The following GRK6 variants were observed in gnomAD, a reference collection of about 807,000 sequenced individuals.
GRK6 encodes the protein G protein-coupled receptor kinase 6.
In GRK6, 37 loss-of-function variants were observed where a neutral mutation model predicts 80.8. The ratio of observed to expected loss-of-function variants is 0.46; its 90% CI spans 0.35 to 0.60. The LOEUF (loss-of-function observed/expected upper bound fraction) is 0.60, where lower values mean the gene tolerates loss of function less well. Ranked by LOEUF, GRK6 falls within the 20% of genes least tolerant of loss-of-function variation. The pLI, the probability that GRK6 is intolerant of heterozygous loss-of-function variation, is 0.00. For synonymous variants in GRK6, 295 were observed against 320.9 expected, an observed-to-expected ratio of 0.92 and a Z score of 0.86; for missense variants, 560 against 784.6, an observed-to-expected ratio of 0.71 and a Z score of 3.42.
intron 9 of GRK6, 35 bp from the exon 10 acceptor site, chr5:177,434,867 G>C (rs770208616): frequency 3.8e-5 from 62 of 1,612,600 alleles, no homozygotes; most frequent in Non-Finnish European, 4.7e-5. Flanking sequence ...CTGGCAAACT[G>C]AGCAGCATCT....
At chr5:177,430,640 G>C in intron 1 of GRK6, 1 of 565,196 alleles carries the variant, frequency 1.8e-6, no homozygotes, top group Non-Finnish European at 3.2e-6. Context: ...TCCTCCCGCA[G>C]CGACCTCACT....
At chr5:177,427,226 G>A (rs1364967030) in intron 1 of GRK6, among the ~76,000 whole-genome samples, 1 of 152,212 alleles carries the variant, frequency 6.6e-6, no homozygotes, top group Non-Finnish European at 1.5e-5. Flanking sequence ...CAGGGGAGAG[G>A]TGTAAAGATG....
At position 177,432,795 on chromosome 5, in the gene GRK6, G is replaced by C; in HGVS notation, c.429G>C (p.Gln143His). The C allele has an allele frequency of 6.2e-7, 1 of 1,611,608 alleles. No homozygotes were observed. Among genetic ancestry groups the C allele is most frequent in the Non-Finnish European group, 8.5e-7 (1 of 1,178,824 alleles). ...LEQGPCKDLF[Q>H]ELTRLTHEYL... ...AGGGTCCCTGCAAAGACCTTTTCCA[G>C]GAACTCACCCGGTAAGCCTGTCCCT... is the stretch of plus-strand genomic sequence containing the variant. The change falls in exon 5 of 16, where the codon CAG (glutamine) becomes CAC (histidine). Residue 143 changes from glutamine (Q) to histidine (H), a missense_variant. By Grantham distance (24) the Gln-to-His change is conservative (BLOSUM62 0). Around this residue, in one of 3 missense-constraint regions of GRK6, gnomAD observed 189 missense variants for 230.2 expected, o/e 0.82. Coordinates refer to ENST00000355472, the MANE Select transcript of GRK6 (RefSeq NM_001004106.3).
intron 1 of GRK6, among the ~76,000 whole-genome samples, chr5:177,427,912 A>C (rs1438039529): frequency 6.6e-6 from 1 of 152,228 alleles, no homozygotes; most frequent in Non-Finnish European, 1.5e-5. Context: ...CTGAGGCTCA[A>C]ACCAGGGATT....
intron 13 of GRK6, among the ~76,000 whole-genome samples, chr5:177,439,761 T>TGGCA (rs1333120813): frequency 1.3e-5 from 2 of 152,198 alleles, no homozygotes; most frequent in Admixed American, 1.3e-4. Flanking sequence ...GTCATAGCTA[T>TGGCA]GGCATCACAT....
At position 177,442,708 on chromosome 5, in the gene GRK6, G is replaced by T. The variant is rs1764576331; in HGVS notation, c.*918G>T. 2.0e-5 allele frequency: 3 copies of T among 152,698 alleles called. No homozygotes were observed. The highest frequency in any genetic ancestry group is 7.2e-5 in the African/African-American group (3 of 41,460). The allele number at this position is 152,698 out of a possible 1,614,324, so 9.5% of individuals were successfully genotyped here. On this transcript the variant is annotated 3_prime_UTR_variant, in exon 16 of 16. Coordinates refer to ENST00000355472, the MANE Select transcript of GRK6 (RefSeq NM_001004106.3). ...GGTGAAGGGGATAGGGCGAGGCTGT[G>T]CCTGTGCCCCAGGTCCCAGCCCTGG...
chr5:177,434,795 C>A, intron 9 of GRK6, 107 bp from the exon 10 acceptor site: 2 of 1,279,088 alleles, frequency 1.6e-6, no homozygotes, highest in South Asian at 2.4e-5. Flanking sequence ...GAGTCTCGCA[C>A]CTTGCTCCAC....
rs760390765 is a variant in GRK6, at chr5:177,426,942, G to C, written c.52+45G>C. 67 of 1,255,126 alleles carry C rather than the reference G, an allele frequency of 5.3e-5. No homozygotes were observed. In the East Asian group the frequency reaches 2.0e-3, roughly 38 times the overall value. 77.7% of individuals were successfully genotyped at this position (1,255,126 alleles called of 1,614,324 possible). A position where few individuals can be genotyped will look rare whatever the true frequency, so the allele number is the denominator to read the frequency against. On this transcript the variant is annotated intron_variant, in intron 1 of 15. Transcript: ENST00000355472. ...GGCCGGGCCCGGGTGCGTGGAGCGC[G>C]AGTGCGCTGCGTCTGAGCTCCGCAG...
In GRK6 at chr5:177,426,785, G is replaced by A; in HGVS notation, c.-61G>A. The A allele has an allele frequency of 1.0e-6, 1 of 976,344 alleles. No homozygotes were observed. Among genetic ancestry groups the A allele is most frequent in the South Asian group, 4.7e-5 (1 of 21,194 alleles). 60.5% of individuals were successfully genotyped at this position (976,344 alleles called of 1,614,324 possible). A position where few individuals can be genotyped will look rare whatever the true frequency, so the allele number is the denominator to read the frequency against. ...GCCGCGCCGATCGCCATCCGGCCTC[G>A]GCACTCGCGCGCGATCCCGGCCGGC... On this transcript the variant is annotated 5_prime_UTR_variant, in exon 1 of 16. Transcript: ENST00000355472.
rs888030747 is a variant in GRK6, at chr5:177,429,457, G to A, written c.53-1415G>A. Among the ~76,000 whole-genome samples the A allele has an allele frequency of 3.3e-5, 5 of 152,170 alleles. No individual in the cohort carries two copies. Among genetic ancestry groups the A allele is most frequent in the African/African-American group, 1.2e-4 (5 of 41,444 alleles). On this transcript the variant is annotated intron_variant, in intron 1 of 15. Coordinates refer to ENST00000355472, the MANE Select transcript of GRK6 (RefSeq NM_001004106.3). The surrounding 1 kb of genome is among the most constrained non-coding windows in gnomAD (Gnocchi z 4.3). ...GGGTGAGGGACCTGTGGGTGTGGGG[G>A]AGGAGTTCCCCTTCTGGGAAGGCCT...
rs563740923 is a variant in GRK6 at position 177,432,893 on chromosome 5, C to T, written c.440+87C>T. 7 of 1,113,372 alleles carry T rather than the reference C, an allele frequency of 6.3e-6. No homozygotes were observed. The South Asian group carries it at 9.9e-5, about 16-fold the overall frequency. The allele number at this position is 1,113,372 out of a possible 1,614,324, so 69.0% of individuals were successfully genotyped here. A position where few individuals can be genotyped will look rare whatever the true frequency, so the allele number is the denominator to read the frequency against. On this transcript the variant is annotated intron_variant, in intron 5 of 15. Transcript: ENST00000355472. ...AGGAAGACTGTGAACAGCTCGGTGGCTGGTGAGGGAGCTCAGCTGCCCAGC... is the reference window on the plus strand; with the variant it reads ...AGGAAGACTGTGAACAGCTCGGTGGTTGGTGAGGGAGCTCAGCTGCCCAGC...
At chr5:177,426,925 C>A (rs1763696817) in intron 1 of GRK6, 28 bp downstream of exon 1, 2 of 1,336,998 alleles carry the variant, frequency 1.5e-6, no homozygotes, top group African/African-American at 3.0e-5. Flanking sequence ...GCGGCCGGGC[C>A]CGGGTGCGTG....
At position 177,436,901 on chromosome 5, in the gene GRK6, CTCCT is replaced by C. The variant is rs545992330; in HGVS notation, c.1404+382_1404+385del. Reference sequence around the variant, plus strand: ...CTTCTCTTTTCTCTTCTCCTCTCCTCTCCTTCCTTCCTTCGTTCTTTTTTCCCTT... The same window carrying C: ...CTTCTCTTTTCTCTTCTCCTCTCCTCTCCTTCCTTCGTTCTTTTTTCCCTT... On this transcript the variant is annotated intron_variant, in intron 13 of 15. Coordinates refer to ENST00000355472, the MANE Select transcript of GRK6 (RefSeq NM_001004106.3). 2.8e-3 allele frequency among the ~76,000 whole-genome samples: 425 copies of C among 152,118 alleles called. 1 individual carries two copies. The highest frequency in any genetic ancestry group is 4.9e-3 in the Non-Finnish European group (331 of 67,974).
intron 13 of GRK6, among the ~76,000 whole-genome samples, chr5:177,440,282 GAAGACGGC>G (rs1380271901): frequency 6.6e-6 from 1 of 152,356 alleles, no homozygotes; most frequent in East Asian, 1.9e-4. Context: ...GGCTGGGAGA[GAAGACGGC>G]AAGTCCCAGG....
chr5:177,433,982 C>A lies in GRK6; in HGVS notation c.807C>A (p.Gly269=), dbSNP rs751550494. Residue 269 remains glycine (G), a synonymous_variant, in exon 9 of 16, where the codon GGC becomes GGA. Transcript: ENST00000355472. ...TGGTGCTGACACTGATGAACGGGGG[C>A]GACCTCAAGTTCCACATCTACCACA... The part of the protein sequence containing the change: ...LCLVLTLMNG[G]DLKFHIYHMG... The A allele has an allele frequency of 6.2e-6, 10 of 1,612,456 alleles. No individual in the cohort carries two copies. In the South Asian group the frequency reaches 1.1e-4, roughly 18 times the overall value.
chr5:177,434,957 G>A lies in GRK6; in HGVS notation c.967+18G>A. 1 of 1,612,896 alleles carries A rather than the reference G, an allele frequency of 6.2e-7. No individual in the cohort carries two copies. The highest frequency in any genetic ancestry group is 1.7e-4 in the Middle Eastern group (1 of 5,834). On this transcript the variant is annotated intron_variant, in intron 10 of 15. Transcript: ENST00000355472. ...TGACCACGGTGTGTAAGGGTGCCTG[G>A]GGTGGGTCAGGGTGGGGTGAGATGC...
rs541295584 is a variant in GRK6 at position 177,442,717 on chromosome 5, C to A, written c.*927C>A. Reference sequence around the variant, plus strand: ...GATAGGGCGAGGCTGTGCCTGTGCCCCAGGTCCCAGCCCTGGCCCTTCCCA... The same window carrying A: ...GATAGGGCGAGGCTGTGCCTGTGCCACAGGTCCCAGCCCTGGCCCTTCCCA... On this transcript the variant is annotated 3_prime_UTR_variant, in exon 16 of 16. Coordinates refer to ENST00000355472, the MANE Select transcript of GRK6 (RefSeq NM_001004106.3). 6.5e-6 allele frequency: 1 copy of A among 152,774 alleles called. No homozygotes were observed. The highest frequency in any genetic ancestry group is 2.4e-5 in the African/African-American group (1 of 41,572). The allele number at this position is 152,774 out of a possible 1,614,324, so 9.5% of individuals were successfully genotyped here.
At position 177,429,576 on chromosome 5, in the gene GRK6, A is replaced by G. The variant is rs1422903613; in HGVS notation, c.53-1296A>G. Among the ~76,000 whole-genome samples, 2 of 152,100 alleles carry G rather than the reference A, an allele frequency of 1.3e-5. No homozygotes were observed. The highest frequency in any genetic ancestry group is 1.5e-5 in the Non-Finnish European group (1 of 68,020). On this transcript the variant is annotated intron_variant, in intron 1 of 15. Coordinates refer to ENST00000355472, the MANE Select transcript of GRK6 (RefSeq NM_001004106.3). The surrounding 1 kb of genome is among the most constrained non-coding windows in gnomAD (Gnocchi z 4.3). ...CAGGAGGCCTCTAGCAAGTTTCTCA[A>G]TGGGCCCCTGCAGTACTTCCTTCTC...
chr5:177,441,163 G>A, intron 15 of GRK6, 110 bp downstream of exon 15: 1 of 1,498,812 alleles, frequency 6.7e-7, no homozygotes, highest in Non-Finnish European at 9.1e-7. Flanking sequence ...CTCCAGTCCT[G>A]TTGTGGTGCC....
Sources: allele counts gnomAD v4.1 joint callset (sites outside exome capture counted in the v4.1 genomes callset), GRCh38; gene constraint gnomAD v4.1.1; regional missense constraint gnomAD v4.1.1; non-coding constraint Gnocchi (gnomAD v3.1); transcripts MANE v1.5; gene names NCBI Gene and HGNC (gene_info 2026-07-23, HGNC 2026-07-21).